REPIN1: variants seen among roughly 807,000 people sequenced by gnomAD.
REPIN1 encodes the protein replication initiator 1.
Under a neutral mutation model 5.7 loss-of-function variants are expected in REPIN1, and 4 were observed. The observed-to-expected ratio is 0.71, with a 90% CI of 0.35 to 1.62. The LOEUF (loss-of-function observed/expected upper bound fraction) is 1.62. Ranked by LOEUF, REPIN1 falls within the 40% of genes most tolerant of loss-of-function variation. REPIN1 has a pLI of 0.05. For synonymous variants in REPIN1, 410 were observed against 386.2 expected (o/e 1.06, Z -0.72); for missense variants, 854 against 901.0 (o/e 0.95, Z 0.67).
In REPIN1 at chr7:150,372,458, C is replaced by G; in HGVS notation, c.1388C>G (p.Ala463Gly). Residue 463 changes from alanine (A) to glycine (G), a missense_variant, in exon 3 of 3, where the codon GCC becomes GGC. Ala to Gly is a moderately conservative substitution (Grantham distance 60). This residue lies in a region of REPIN1 where 327 missense variants were observed against 307.8 expected (regional missense o/e 1.06). Coordinates refer to ENST00000489432, the MANE Select transcript of REPIN1 (RefSeq NM_001099695.2). ...QHTGERPFTC[A>G]ECGKNFGKKT... ...ACCGGGGAGCGGCCCTTCACCTGCG[C>G]CGAGTGCGGGAAGAACTTCGGCAAG... 6.5e-7 allele frequency: 1 copy of G among 1,533,980 alleles called. No individual in the cohort carries two copies. The highest frequency in any genetic ancestry group is 8.7e-7 in the Non-Finnish European group (1 of 1,146,782).
intron 1 of REPIN1, chr7:150,369,172 G>A (rs1799214263): frequency 5.6e-6 from 2 of 357,426 alleles, no homozygotes; most frequent in East Asian, 8.5e-5. Flanking sequence ...CGGGAGCGTG[G>A]ACGGAGGACA....
rs368752915 is a variant in REPIN1 at position 150,371,678 on chromosome 7, C to T, written c.608C>T (p.Ala203Val). The change falls in exon 3 of 3, where the codon GCT becomes GTT. Residue 203 changes from alanine to valine, a missense_variant. Ala to Val is a moderately conservative substitution (Grantham distance 64). Coordinates refer to ENST00000489432, the MANE Select transcript of REPIN1 (RefSeq NM_001099695.2). Reference protein sequence around the residue: ...RAHSAAKRPIACPKCERRFWR... With the variant: ...RAHSAAKRPIVCPKCERRFWR... ...CATTCAGCTGCAAAGCGGCCCATCG[C>T]TTGTCCCAAATGCGAGAGACGCTTC... The T allele has an allele frequency of 3.4e-5, 54 of 1,605,762 alleles. No homozygotes were observed. Among genetic ancestry groups the T allele is most frequent in the Non-Finnish European group, 4.5e-5 (53 of 1,179,760 alleles).
intron 2 of REPIN1, 112 bp from the exon 3 acceptor site, chr7:150,371,116 G>A (rs1302700843): frequency 3.2e-6 from 4 of 1,231,208 alleles, no homozygotes; most frequent in Admixed American, 2.8e-5. Context: ...CTCCATGTCC[G>A]GGGCTCTAGG....
At chr7:150,370,159 C>G (rs1300584783) in intron 2 of REPIN1, 1 of 356,602 alleles carries the variant, frequency 2.8e-6, no homozygotes, top group Admixed American at 4.2e-5. Flanking sequence ...TCTGGGCTCC[C>G]CTGAGCTGTG....
chr7:150,371,867 C>A lies in REPIN1; in HGVS notation c.797C>A (p.Ala266Asp). 6.2e-7 allele frequency: 1 copy of A among 1,606,122 alleles called. No individual in the cohort carries two copies. The highest frequency in any genetic ancestry group is 8.5e-7 in the Non-Finnish European group (1 of 1,176,874). ...GCTGAGGCCCTGGAGGAGGCCGCAG[C>A]CAAGGCTCTGGGGCCCCGGCCCAGG... Reference protein sequence around the residue: ...HVAEALEEAAAKALGPRPRGR... With the variant: ...HVAEALEEAADKALGPRPRGR... Residue 266 changes from alanine (A) to aspartate (D), a missense_variant, in exon 3 of 3, where the codon GCC becomes GAC. Ala to Asp is a moderately radical substitution (Grantham distance 126). This residue lies in a region of REPIN1 where 409 missense variants were observed against 418.6 expected (regional missense o/e 0.98). Coordinates refer to ENST00000489432, the MANE Select transcript of REPIN1 (RefSeq NM_001099695.2).
Position 150,372,801 on chromosome 7 carries a change from C to T in REPIN1, c.1731C>T (p.Cys577=). 1.2e-6 allele frequency: 2 copies of T among 1,612,184 alleles called. No homozygotes were observed. The highest frequency in any genetic ancestry group is 1.7e-6 in the Non-Finnish European group (2 of 1,179,976). Residue 577 remains cysteine, a synonymous_variant, in exon 3 of 3, where the codon TGC becomes TGT. Coordinates refer to ENST00000489432, the MANE Select transcript of REPIN1 (RefSeq NM_001099695.2). ...AGCGGCCCTACGCCTGTCCCGACTG[C>T]GACCGCAGCTTCAGCCAGAAGTCCA... The part of the protein sequence containing the change: ...TGERPYACPD[C]DRSFSQKSNL...
chr7:150,372,780 G>A lies in REPIN1; in HGVS notation c.1710G>A (p.Arg570=). 6.2e-7 allele frequency: 1 copy of A among 1,612,076 alleles called. No homozygotes were observed. Among genetic ancestry groups the A allele is most frequent in the South Asian group, 1.1e-5 (1 of 91,072 alleles). The stretch of plus-strand genomic sequence containing the variant: ...ACCGGCGCATCCACACGGGCGAGCG[G>A]CCCTACGCCTGTCCCGACTGCGACC... ...VSHRRIHTGE[R]PYACPDCDRS... is the part of the protein sequence containing the mutation. Residue 570 remains arginine (R), a synonymous_variant, in exon 3 of 3, where the codon CGG becomes CGA. Transcript: ENST00000489432.
chr7:150,368,909 G>C lies in REPIN1; in HGVS notation c.-74G>C. 1 of 361,060 alleles carries C rather than the reference G, an allele frequency of 2.8e-6. No individual in the cohort carries two copies. 22.4% of individuals were successfully genotyped at this position (361,060 alleles called of 1,614,324 possible). ...AGGCCGGCCTTCGGGCTCCATGGAC[G>C]GGCGCCGCGTCCCTGCACAGCCCGC... On this transcript the variant is annotated 5_prime_UTR_variant, in exon 1 of 3. Coordinates refer to ENST00000489432, the MANE Select transcript of REPIN1 (RefSeq NM_001099695.2).
intron 1 of REPIN1, 193 bp downstream of exon 1, chr7:150,369,134 T>A (rs1055953209): frequency 2.9e-6 from 1 of 346,846 alleles, no homozygotes; most frequent in Non-Finnish European, 5.2e-6. Flanking sequence ...CCGAAATGGC[T>A]CACTCGCAAG....
chr7:150,368,678 T>A (rs1242150510), upstream of REPIN1: 1 of 217,840 alleles, frequency 4.6e-6, no homozygotes, highest in African/African-American at 2.3e-5. Flanking sequence ...GGCCCGCTCT[T>A]GGCGGGGGCG....
rs1800125595 is a variant in REPIN1, at chr7:150,373,534, GC to G, written c.*590del. ...CACCCAGACTTGGAGAGACCCGTCT[GC>G]TGTTAATACTTCCATCCTCTTCCTT... On this transcript the variant is annotated 3_prime_UTR_variant, in exon 3 of 3. Coordinates refer to ENST00000489432, the MANE Select transcript of REPIN1 (RefSeq NM_001099695.2). The G allele has an allele frequency of 5.8e-6, 1 of 171,154 alleles. No individual in the cohort carries two copies. The highest frequency in any genetic ancestry group is 2.4e-5 in the African/African-American group (1 of 41,480). 10.6% of individuals were successfully genotyped at this position (171,154 alleles called of 1,614,324 possible).
intron 2 of REPIN1, chr7:150,370,449 A>G: frequency 4.9e-6 from 2 of 404,402 alleles, no homozygotes; most frequent in South Asian, 4.7e-5. Flanking sequence ...CTGGCGTTAG[A>G]CTGCCGGGAG....
In REPIN1 at chr7:150,371,926, G is replaced by A. The variant is rs2129620204; in HGVS notation, c.856G>A (p.Gly286Arg). Reference protein sequence around the residue: ...RPAVTAPRPGGDAVDRPFQCA... With the variant: ...RPAVTAPRPGRDAVDRPFQCA... ...CGCGGTGACCGCCCCCCGGCCCGGT[G>A]GAGATGCCGTCGACCGCCCCTTCCA... Residue 286 changes from glycine to arginine, a missense_variant, in exon 3 of 3, where the codon GGA becomes AGA. Physicochemically the swap from Gly to Arg is moderately radical, Grantham distance 125. Around this residue, in one of 5 missense-constraint regions of REPIN1, gnomAD observed 409 missense variants for 418.6 expected, o/e 0.98. Transcript: ENST00000489432. 3.1e-6 allele frequency: 5 copies of A among 1,608,848 alleles called. No homozygotes were observed. The highest frequency in any genetic ancestry group is 4.2e-6 in the Non-Finnish European group (5 of 1,179,222).
chr7:150,371,413 C>T lies in REPIN1; in HGVS notation c.343C>T (p.Arg115Cys), dbSNP rs762012009. 1.1e-5 allele frequency: 17 copies of T among 1,600,320 alleles called. No homozygotes were observed. The highest frequency in any genetic ancestry group is 1.4e-5 in the Non-Finnish European group (17 of 1,175,110). The change falls in exon 3 of 3, where the codon CGC becomes TGC. Residue 115 changes from arginine to cysteine, a missense_variant. Coordinates refer to ENST00000489432, the MANE Select transcript of REPIN1 (RefSeq NM_001099695.2). ...TGCCCAAGCCCCAGGCAGGGCCCAT[C>T]GCTGTGCCCACTGTCGAAGGCACTT... is the stretch of plus-strand genomic sequence containing the variant. ...SGAQAPGRAHRCAHCRRHFPG... is the reference protein window; with the variant it reads ...SGAQAPGRAHCCAHCRRHFPG...
chr7:150,371,692 G>T lies in REPIN1; in HGVS notation c.622G>T (p.Glu208Ter). The T allele has an allele frequency of 6.2e-7, 1 of 1,606,374 alleles. No homozygotes were observed. Residue 208 changes from glutamate to a stop codon, truncating the protein, a stop_gained, in exon 3 of 3, where the codon GAG (glutamate) becomes TAG (stop). Coordinates refer to ENST00000489432, the MANE Select transcript of REPIN1 (RefSeq NM_001099695.2). LOFTEE classifies it low-confidence loss of function (END_TRUNC). The stretch of plus-strand genomic sequence containing the variant: ...GCGGCCCATCGCTTGTCCCAAATGC[G>T]AGAGACGCTTCTGGCGACGAAAGCA... ...AKRPIACPKC[E>*]RRFWRRKQLR...
chr7:150,372,121 T>C lies in REPIN1; in HGVS notation c.1051T>C (p.Cys351Arg). Residue 351 changes from cysteine to arginine, a missense_variant, in exon 3 of 3, where the codon TGC (cysteine) becomes CGC (arginine). Physicochemically the swap from Cys to Arg is radical, Grantham distance 180. Coordinates refer to ENST00000489432, the MANE Select transcript of REPIN1 (RefSeq NM_001099695.2). ...CCACACCGGCGAGAAGCCCTACCCG[T>C]GCAAAGAGTGCGGCCGCCGCTTCCG... ...RIHTGEKPYPCKECGRRFRHK... is the reference protein window; with the variant it reads ...RIHTGEKPYPRKECGRRFRHK... 2 of 1,611,544 alleles carry C rather than the reference T, an allele frequency of 1.2e-6. No individual in the cohort carries two copies. The highest frequency in any genetic ancestry group is 1.7e-6 in the Non-Finnish European group (2 of 1,179,516).
rs1272484669 is a variant in REPIN1 at position 150,371,883 on chromosome 7, C to T, written c.813C>T (p.Pro271=). 2 of 1,605,912 alleles carry T rather than the reference C, an allele frequency of 1.2e-6. No individual in the cohort carries two copies. Among genetic ancestry groups the T allele is most frequent in the South Asian group, 1.1e-5 (1 of 90,558 alleles). ...LEEAAAKALG[P]RPRGRPAVTA... is the part of the protein sequence containing the mutation. ...AGGCCGCAGCCAAGGCTCTGGGGCC[C>T]CGGCCCAGGGGCCGCCCCGCGGTGA... is the stretch of plus-strand genomic sequence containing the variant. Residue 271 remains proline (P), a synonymous_variant, in exon 3 of 3, where the codon CCC becomes CCT. Coordinates refer to ENST00000489432, the MANE Select transcript of REPIN1 (RefSeq NM_001099695.2).
chr7:150,373,675 T>C lies in REPIN1; in HGVS notation c.*730T>C, dbSNP rs973162033. ...CAGCAGCACTGTGTCCAGGCTCTTG[T>C]CTGAACACCGCAGCCCCTCCTTCGC... On this transcript the variant is annotated 3_prime_UTR_variant, in exon 3 of 3. Coordinates refer to ENST00000489432, the MANE Select transcript of REPIN1 (RefSeq NM_001099695.2). 6.0e-6 allele frequency: 1 copy of C among 167,340 alleles called. No individual in the cohort carries two copies. Among genetic ancestry groups the C allele is most frequent in the African/African-American group, 2.4e-5 (1 of 41,462 alleles). The allele number at this position is 167,340 out of a possible 1,614,324, so 10.4% of individuals were successfully genotyped here.
chr7:150,371,892 G>A lies in REPIN1; in HGVS notation c.822G>A (p.Arg274=), dbSNP rs149624173. 8.7e-4 allele frequency: 1,392 copies of A among 1,606,426 alleles called. 12 individuals are homozygous for A. The African/African-American group carries it at 0.016, about 19-fold the overall frequency. Residue 274 remains arginine (R), a synonymous_variant, in exon 3 of 3, where the codon AGG becomes AGA. Transcript: ENST00000489432. ...CCAAGGCTCTGGGGCCCCGGCCCAG[G>A]GGCCGCCCCGCGGTGACCGCCCCCC... The part of the protein sequence containing the change: ...AAAKALGPRP[R]GRPAVTAPRP...
Sources: allele counts gnomAD v4.1 joint callset, GRCh38; gene constraint gnomAD v4.1.1; regional missense constraint gnomAD v4.1.1; transcripts MANE v1.5; gene names NCBI Gene and HGNC (gene_info 2026-07-23, HGNC 2026-07-21).